Variants in EPB41 observed in about 807,000 individuals in gnomAD.
EPB41 encodes the protein erythrocyte membrane protein band 4.1.
EPB41 carries 65 observed loss-of-function variants against 108.0 expected under a neutral mutation model. The observed-to-expected ratio is 0.60, with a 90% confidence interval of 0.49 to 0.74. EPB41 has a LOEUF of 0.74. Ranked by LOEUF, EPB41 falls within the 30% of genes least tolerant of loss-of-function variation. The probability of loss-of-function intolerance (pLI) is 0.00; values close to 1 mark genes in which losing one functional copy is unlikely to be tolerated. For synonymous variants in EPB41, 336 were observed against 358.9 expected (o/e 0.94, Z 0.72); for missense variants, 875 against 1,037.0 (o/e 0.84, Z 2.15).
chr1:28,901,121 G>A (rs1570145846), intron 1 of EPB41, among the ~76,000 whole-genome samples: 5 of 151,988 alleles, frequency 3.3e-5, no homozygotes. Context: ...AGTAGAGATG[G>A]GGTTTCACTG....
At chr1:28,888,286 G>A (rs1465883680) in intron 1 of EPB41, among the ~76,000 whole-genome samples, 1 of 152,210 alleles carries the variant, frequency 6.6e-6, no homozygotes, top group Non-Finnish European at 1.5e-5. Flanking sequence ...GTCTCGTCAG[G>A]GTCAGGTCCT....
At chr1:28,956,572 T>C (rs910253392) in intron 1 of EPB41, among the ~76,000 whole-genome samples, 1 of 152,242 alleles carries the variant, frequency 6.6e-6, no homozygotes, top group African/African-American at 2.4e-5. Flanking sequence ...AATTAATCTT[T>C]GTTGGGCTGT....
chr1:29,022,747 A>G (rs2096663252), intron 7 of EPB41, among the ~76,000 whole-genome samples: 1 of 151,932 alleles, frequency 6.6e-6, no homozygotes, highest in Admixed American at 6.6e-5. Context: ...AGAGTGTTTT[A>G]AATTCATAGT....
At chr1:28,898,840 G>C (rs1272855921) in intron 1 of EPB41, among the ~76,000 whole-genome samples, 1 of 152,266 alleles carries the variant, frequency 6.6e-6, no homozygotes, top group Non-Finnish European at 1.5e-5. Flanking sequence ...GCCAAAGCCA[G>C]CAGCAGCCTT....
intron 12 of EPB41, among the ~76,000 whole-genome samples, chr1:29,055,190 A>G (rs575851177): frequency 1.3e-5 from 2 of 152,340 alleles, no homozygotes; most frequent in East Asian, 1.9e-4. Flanking sequence ...ATTGGTCATC[A>G]GGTTCACTGT....
At chr1:29,014,921 G>T (rs1479900383) in intron 5 of EPB41, among the ~76,000 whole-genome samples, 2 of 152,194 alleles carry the variant, frequency 1.3e-5, no homozygotes, top group African/African-American at 4.8e-5. Context: ...TGAGGTGGGA[G>T]TATCGCATGA....
intron 19 of EPB41, among the ~76,000 whole-genome samples, chr1:29,112,770 C>G (rs1669610690): frequency 6.6e-6 from 1 of 152,218 alleles, no homozygotes; most frequent in Non-Finnish European, 1.5e-5. Context: ...GTATCTCCCT[C>G]TCAGGGTTGT....
At chr1:28,923,699 T>A (rs1200951677) in intron 1 of EPB41, among the ~76,000 whole-genome samples, 2 of 152,238 alleles carry the variant, frequency 1.3e-5, no homozygotes, top group Non-Finnish European at 2.9e-5. Context: ...ATATTTAATG[T>A]ATTCTCTTTG....
chr1:28,933,284 T>C (rs1168700078), intron 1 of EPB41, among the ~76,000 whole-genome samples: 1 of 152,212 alleles, frequency 6.6e-6, no homozygotes, highest in African/African-American at 2.4e-5. Context: ...TAAGATTTAC[T>C]GCACTTTGCT....
At chr1:29,019,644 C>G (rs2096618839) in intron 7 of EPB41, among the ~76,000 whole-genome samples, 1 of 152,092 alleles carries the variant, frequency 6.6e-6, no homozygotes, top group African/African-American at 2.4e-5. Context: ...AAGAGAAATC[C>G]AAAGAGTGGT....
Position 28,928,330 on chromosome 1 carries a change from T to G in EPB41, c.-8+13562T>G, listed in dbSNP as rs2093564259. On this transcript the variant is annotated intron_variant, in intron 1 of 20. Coordinates refer to ENST00000343067, the MANE Select transcript of EPB41 (RefSeq NM_001376013.1). ...GAAGGTCCAGAGGGAAAAAAAAAAT[T>G]CTTTATCTTACCAGCCTGTGGTTAT... 2.0e-5 allele frequency among the ~76,000 whole-genome samples: 3 copies of G among 152,090 alleles called. No individual in the cohort carries two copies. The South Asian group carries it at 6.2e-4, about 32-fold the overall frequency.
chr1:28,888,574 C>T (rs1393576765), intron 1 of EPB41, among the ~76,000 whole-genome samples: 5 of 152,190 alleles, frequency 3.3e-5, no homozygotes, highest in South Asian at 2.1e-4. Context: ...ACAGACACTT[C>T]GGAAATCACT....
intron 16 of EPB41, among the ~76,000 whole-genome samples, chr1:29,074,470 G>A (rs1255479497): frequency 6.6e-6 from 1 of 152,108 alleles, no homozygotes; most frequent in Non-Finnish European, 1.5e-5. Context: ...TTAGTGGATA[G>A]TATTAATAGG....
intron 3 of EPB41, among the ~76,000 whole-genome samples, chr1:28,994,417 C>T (rs538875113): frequency 2.0e-5 from 3 of 151,996 alleles, no homozygotes; most frequent in South Asian, 2.1e-4. Flanking sequence ...GTGATCTGCC[C>T]GCCTCGGCCT....
At position 29,084,293 on chromosome 1, in the gene EPB41, A is replaced by G. The variant is rs181355160; in HGVS notation, c.2185-13514A>G. ...CCAGACGTATAGAAACACTAATAAA[A>G]GTTTTATGTGTTAAATTTTCCTCAC... On this transcript the variant is annotated intron_variant, in intron 16 of 20. Coordinates refer to ENST00000343067, the MANE Select transcript of EPB41 (RefSeq NM_001376013.1). Among the ~76,000 whole-genome samples the G allele has an allele frequency of 3.9e-4, 60 of 152,344 alleles. 1 individual carries two copies. The East Asian group carries it at 7.5e-3, about 19-fold the overall frequency.
At chr1:28,932,360 T>A (rs2093792579) in intron 1 of EPB41, among the ~76,000 whole-genome samples, 1 of 151,564 alleles carries the variant, frequency 6.6e-6, no homozygotes, top group South Asian at 2.1e-4. Context: ...TGACCTCAGG[T>A]GATCCACTCT....
intron 17 of EPB41, among the ~76,000 whole-genome samples, chr1:29,099,137 T>C (rs539548896): frequency 2.1e-4 from 31 of 150,216 alleles, no homozygotes; most frequent in Admixed American, 1.9e-3. Flanking sequence ...TGAAACCCCA[T>C]CTCTACTAAA....
At chr1:28,911,012 C>T (rs2148003497), upstream of EPB41, 10 of 985,370 alleles carry the variant, frequency 1.0e-5, no homozygotes, top group Non-Finnish European at 1.2e-5. Flanking sequence ...TGCTTGGGAC[C>T]TTTACCCTTG....
intron 1 of EPB41, among the ~76,000 whole-genome samples, chr1:28,925,099 G>C (rs1164902434): frequency 1.3e-5 from 2 of 151,936 alleles, no homozygotes; most frequent in Non-Finnish European, 2.9e-5. Context: ...CTGAGTAGCT[G>C]GGACTACAAG....
Sources: gnomAD v4.1 joint callset for allele counts (sites outside exome capture counted in the v4.1 genomes callset) on GRCh38, gnomAD v4.1.1 for gene constraint, MANE v1.5 for transcripts, NCBI Gene and HGNC (gene_info 2026-07-23, HGNC 2026-07-21) for gene names.